Variants in TPRG1 observed in about 807,000 individuals in gnomAD.
TPRG1 encodes the protein tumor protein p63-regulated gene 1 protein.
In TPRG1, 29 loss-of-function variants were observed where a neutral mutation model predicts 29.3. The observed-to-expected ratio is 0.99, with a 90% CI of 0.74 to 1.35. The LOEUF is 1.35. Ranked by LOEUF, TPRG1 falls within the 40% of genes most tolerant of loss-of-function variation. The pLI is 0.00. For synonymous variants in TPRG1, 130 were observed against 116.8 expected (o/e 1.11, Z -0.73); for missense variants, 327 against 335.0 (o/e 0.98, Z 0.19).
chr3:189,135,609 T>C (rs1189813028), intron 3 of TPRG1, among the ~76,000 whole-genome samples: 1 of 152,236 alleles, frequency 6.6e-6, no homozygotes, highest in African/African-American at 2.4e-5. Flanking sequence ...CTGGACTATA[T>C]GTGTAGCTGC....
chr3:189,190,144 G>T (rs1270392753), intron 1 of TPRG1, among the ~76,000 whole-genome samples: 1 of 152,166 alleles, frequency 6.6e-6, no homozygotes, highest in East Asian at 1.9e-4. Context: ...ACCCACTTCT[G>T]GTGAAACCTA....
intron 4 of TPRG1, among the ~76,000 whole-genome samples, chr3:189,074,856 G>T (rs2152159737): frequency 6.6e-6 from 1 of 151,672 alleles, no homozygotes; most frequent in Non-Finnish European, 1.5e-5. Context: ...CTGTCGCCCA[G>T]GCTGGAGTGC....
chr3:189,198,817 C>A (rs12491113), intron 1 of TPRG1, among the ~76,000 whole-genome samples: 33,174 of 152,084 alleles, frequency 0.22, 4,725 homozygotes, highest in African/African-American at 0.38. Context: ...CTCAAGTGCT[C>A]TCATAACCCA....
intron 3 of TPRG1, among the ~76,000 whole-genome samples, chr3:189,232,528 C>T (rs1323763997): frequency 6.6e-6 from 1 of 152,238 alleles, no homozygotes; most frequent in South Asian, 2.1e-4. Flanking sequence ...CGTTACACCA[C>T]ACTACTCTTC....
chr3:189,238,673 G>A (rs1739959746), intron 3 of TPRG1, 60 bp from the exon 4 acceptor site: 3 of 1,414,180 alleles, frequency 2.1e-6, no homozygotes, highest in South Asian at 1.3e-5. Context: ...AGATGTGAAG[G>A]TCATTGCTTT....
intron 1 of TPRG1, among the ~76,000 whole-genome samples, chr3:189,192,612 A>G (rs554897454): frequency 2.0e-5 from 3 of 152,332 alleles, no homozygotes; most frequent in Admixed American, 6.5e-5. Flanking sequence ...TTGATGGATG[A>G]GAATTTACTC....
At chr3:189,224,883 A>AT (rs1737471629) in intron 3 of TPRG1, among the ~76,000 whole-genome samples, 1 of 151,688 alleles carries the variant, frequency 6.6e-6, no homozygotes, top group Non-Finnish European at 1.5e-5. Flanking sequence ...CATGGGAACC[A>AT]GCTCTTACCC....
intron 4 of TPRG1, among the ~76,000 whole-genome samples, chr3:189,053,723 A>G (rs1242315556): frequency 6.6e-6 from 1 of 152,160 alleles, no homozygotes; most frequent in Non-Finnish European, 1.5e-5. Flanking sequence ...TGTCTCAGTG[A>G]TTGGCTTTCT....
chr3:189,219,807 G>A (rs1736672590), intron 3 of TPRG1: 3 of 1,074,408 alleles, frequency 2.8e-6, no homozygotes, highest in South Asian at 4.9e-5. Flanking sequence ...AGTTGCCTAA[G>A]GTATTTAAAA....
chr3:189,079,872 C>A (rs1213311581), intron 4 of TPRG1, among the ~76,000 whole-genome samples: 1 of 152,170 alleles, frequency 6.6e-6, no homozygotes, highest in Non-Finnish European at 1.5e-5. Context: ...GACTCGTAAC[C>A]AAGTACTACC....
chr3:189,314,759 A>C (rs1316687660), intron 5 of TPRG1, among the ~76,000 whole-genome samples: 1 of 152,150 alleles, frequency 6.6e-6, no homozygotes, highest in Non-Finnish European at 1.5e-5. Flanking sequence ...TTTGAATACT[A>C]TTTTCATGTA....
chr3:189,057,868 A>G (rs1273908331), intron 4 of TPRG1, among the ~76,000 whole-genome samples: 1 of 142,340 alleles, frequency 7.0e-6, no homozygotes, highest in Non-Finnish European at 1.5e-5. Flanking sequence ...ACACATACGT[A>G]TGTGTGTATA....
At chr3:189,224,093 G>A (rs1029603972) in intron 3 of TPRG1, among the ~76,000 whole-genome samples, 4 of 152,042 alleles carry the variant, frequency 2.6e-5, no homozygotes, top group Non-Finnish European at 5.9e-5. Context: ...ATGATTCCAC[G>A]GGAACATAAA....
At position 189,161,976 on chromosome 3, in the gene TPRG1, C is replaced by G. The variant is rs575775746; in HGVS notation, c.-10+11104C>G. On this transcript the variant is annotated intron_variant, in intron 5 of 6. Transcript: ENST00000412373. ...CTATGTGGGGTGATGGGGAAGGACT[C>G]TAGGAAGCGGGACCATTCTTTTTTT... 1.3e-3 allele frequency among the ~76,000 whole-genome samples: 198 copies of G among 152,022 alleles called. 2 individuals are homozygous for G. The highest frequency in any genetic ancestry group is 3.5e-3 in the East Asian group (18 of 5,154).
Position 189,226,227 on chromosome 3 carries a change from C to A in TPRG1, c.302+10844C>A, listed in dbSNP as rs567602904. 7.9e-5 allele frequency among the ~76,000 whole-genome samples: 12 copies of A among 152,312 alleles called. No individual in the cohort carries two copies. The East Asian group carries it at 2.3e-3, about 29-fold the overall frequency. On this transcript the variant is annotated intron_variant, in intron 3 of 5. Coordinates refer to ENST00000345063, the MANE Select transcript of TPRG1 (RefSeq NM_198485.4). The stretch of plus-strand genomic sequence containing the variant: ...TCTTTTTAAGCATCTACATTACATA[C>A]GGATGCTGATGCAGTATTTTGCTTA...
chr3:189,181,892 C>G (rs1355232461), intron 1 of TPRG1, among the ~76,000 whole-genome samples: 1 of 152,154 alleles, frequency 6.6e-6, no homozygotes, highest in East Asian at 1.9e-4. Flanking sequence ...TTTTAATGGA[C>G]TTAGAGTTCC....
At chr3:189,304,803 G>A (rs558901900) in intron 4 of TPRG1, among the ~76,000 whole-genome samples, 6 of 152,170 alleles carry the variant, frequency 3.9e-5, no homozygotes, top group South Asian at 4.2e-4. Context: ...AACAATACTT[G>A]CTCTAAGGTA....
rs1254390683 is a variant in TPRG1 at position 189,238,807 on chromosome 3, A to G, written c.377A>G (p.Asp126Gly). ...AAGACTCTCTTGATCTGCAAATACG[A>G]CTTCATCATGCTGAGTTGTGTGCAG... ...TDKTLLICKY[D>G]FIMLSCVQLQ... is the part of the protein sequence containing the mutation. Residue 126 changes from aspartate (D) to glycine (G), a missense_variant, in exon 4 of 6, where the codon GAC becomes GGC. Asp to Gly is a moderately conservative substitution (Grantham distance 94). Coordinates refer to ENST00000345063, the MANE Select transcript of TPRG1 (RefSeq NM_198485.4). 6.2e-7 allele frequency: 1 copy of G among 1,613,774 alleles called. No homozygotes were observed. The highest frequency in any genetic ancestry group is 8.5e-7 in the Non-Finnish European group (1 of 1,179,736).
At chr3:189,082,551 G>A (rs1475660778) in intron 4 of TPRG1, among the ~76,000 whole-genome samples, 1 of 152,062 alleles carries the variant, frequency 6.6e-6, no homozygotes, top group Non-Finnish European at 1.5e-5. Flanking sequence ...CCTGTTAATG[G>A]AGTCCCTCAC....
Sources: gnomAD v4.1 joint callset for allele counts (sites outside exome capture counted in the v4.1 genomes callset) on GRCh38, gnomAD v4.1.1 for gene constraint, MANE v1.5 for transcripts, NCBI Gene and HGNC (gene_info 2026-07-23, HGNC 2026-07-21) for gene names.